Variants in MBD5 observed in about 807,000 individuals in gnomAD.
The protein encoded by MBD5 is methyl-CpG-binding domain protein 5.
In MBD5, 13 loss-of-function variants were observed where a neutral mutation model predicts 117.3. The observed-to-expected ratio is 0.11, with a 90% CI of 0.07 to 0.18. MBD5 has a LOEUF of 0.18. Among genes scored for constraint, MBD5 ranks in the 10% least tolerant of loss-of-function variants. The probability of loss-of-function intolerance (pLI) is 1.00; values close to 1 mark genes in which losing one functional copy is unlikely to be tolerated. For missense variants in MBD5, 1,879 were observed against 2,093.8 expected, an observed-to-expected ratio of 0.90 and a Z score of 2.00; for synonymous variants, 727 against 766.4, an observed-to-expected ratio of 0.95 and a Z score of 0.85.
At chr2:148,116,346 C>T (rs1696642157) in intron 1 of MBD5, among the ~76,000 whole-genome samples, 1 of 152,122 alleles carries the variant, frequency 6.6e-6, no homozygotes, top group Non-Finnish European at 1.5e-5. Context: ...GATTGTCCCT[C>T]AACAAAGAAT....
chr2:148,188,217 T>C (rs1212324849), intron 2 of MBD5, among the ~76,000 whole-genome samples: 1 of 152,232 alleles, frequency 6.6e-6, no homozygotes, highest in African/African-American at 2.4e-5. Flanking sequence ...TGAATTCTAG[T>C]CCCAGACATT....
At chr2:148,245,990 A>G (rs1700327770) in intron 3 of MBD5, among the ~76,000 whole-genome samples, 2 of 152,180 alleles carry the variant, frequency 1.3e-5, no homozygotes, top group African/African-American at 4.8e-5. Flanking sequence ...CAGATTTCAA[A>G]ATGAAAATGA....
chr2:148,199,857 A>G (rs1310304672), intron 2 of MBD5, among the ~76,000 whole-genome samples: 2 of 152,192 alleles, frequency 1.3e-5, no homozygotes, highest in Non-Finnish European at 2.9e-5. Context: ...GTCTCTCTAC[A>G]AAAAGAAACT....
At chr2:148,441,645 G>T (rs1706327361) in intron 4 of MBD5, among the ~76,000 whole-genome samples, 1 of 152,070 alleles carries the variant, frequency 6.6e-6, no homozygotes, top group Admixed American at 6.5e-5. Context: ...TGGGTCAAAT[G>T]GTATTTCTAG....
chr2:148,031,708 A>G (rs562188683), intron 1 of MBD5, among the ~76,000 whole-genome samples: 80 of 152,260 alleles, frequency 5.3e-4, no homozygotes, highest in African/African-American at 1.9e-3. Flanking sequence ...TGCAATTATG[A>G]CTAGAGAGTC....
intron 3 of MBD5, among the ~76,000 whole-genome samples, chr2:148,322,663 A>G (rs947686405): frequency 3.9e-5 from 6 of 152,144 alleles, no homozygotes; most frequent in African/African-American, 1.4e-4. Context: ...CCTTTGCACA[A>G]AATATTTACG....
intron 3 of MBD5, among the ~76,000 whole-genome samples, chr2:148,280,131 C>CAAA (rs3076398): frequency 0.035 from 3,214 of 91,420 alleles, 163 homozygotes; most frequent in East Asian, 0.073. Flanking sequence ...AAACTAACTG[C>CAAA]AAAAAAAAAA....
At chr2:148,390,826 G>T (rs1704551398) in intron 4 of MBD5, among the ~76,000 whole-genome samples, 6 of 152,090 alleles carry the variant, frequency 3.9e-5, no homozygotes, top group Non-Finnish European at 8.8e-5. Context: ...CTCCCAAAGT[G>T]CTGGGAAATC....
At chr2:148,325,702 T>A (rs1433801687) in intron 3 of MBD5, among the ~76,000 whole-genome samples, 1 of 152,218 alleles carries the variant, frequency 6.6e-6, no homozygotes, top group Non-Finnish European at 1.5e-5. Context: ...CATTTTTTAT[T>A]GCGTCTACTT....
At chr2:148,064,351 G>A (rs1695125797) in intron 1 of MBD5, among the ~76,000 whole-genome samples, 1 of 151,154 alleles carries the variant, frequency 6.6e-6, no homozygotes, top group African/African-American at 2.4e-5. Flanking sequence ...TCCTGACCTC[G>A]TGATCCCCTC....
At chr2:148,262,042 C>T (rs1400745314) in intron 3 of MBD5, among the ~76,000 whole-genome samples, 5 of 152,052 alleles carry the variant, frequency 3.3e-5, no homozygotes, top group Non-Finnish European at 7.4e-5. Flanking sequence ...TAGAAACTTA[C>T]AAGGTCACTG....
At chr2:148,503,454 G>T (rs192850692) in intron 12 of MBD5, among the ~76,000 whole-genome samples, 15 of 152,194 alleles carry the variant, frequency 9.9e-5, no homozygotes, top group Non-Finnish European at 1.6e-4. Flanking sequence ...TGCATAGAAG[G>T]CTTATATAAT....
intron 1 of MBD5, among the ~76,000 whole-genome samples, chr2:148,028,911 G>A (rs1465635786): frequency 6.6e-6 from 1 of 152,020 alleles, no homozygotes; most frequent in Non-Finnish European, 1.5e-5. Context: ...TCTGCTGAAG[G>A]ATTTCTTGGC....
At chr2:148,104,641 A>G (rs1234045210) in intron 1 of MBD5, among the ~76,000 whole-genome samples, 1 of 152,174 alleles carries the variant, frequency 6.6e-6, no homozygotes, top group Non-Finnish European at 1.5e-5. Flanking sequence ...TTCTTCCCAA[A>G]GAATGTGGCC....
chr2:148,068,443 T>C (rs1695264801), intron 1 of MBD5: 1 of 152,206 alleles, frequency 6.6e-6, no homozygotes. Flanking sequence ...GTTTCTTGGA[T>C]CTTACTGAGA....
At chr2:148,077,168 A>G (rs190207204) in intron 1 of MBD5, among the ~76,000 whole-genome samples, 1 of 152,334 alleles carries the variant, frequency 6.6e-6, no homozygotes, top group Admixed American at 6.5e-5. Flanking sequence ...CCCATTGTCA[A>G]AAGTCACAGA....
At chr2:148,380,049 T>C (rs948203148) in intron 4 of MBD5, among the ~76,000 whole-genome samples, 4 of 152,058 alleles carry the variant, frequency 2.6e-5, no homozygotes, top group Non-Finnish European at 4.4e-5. Flanking sequence ...AATGAATCGA[T>C]AGCAAAAAGT....
chr2:148,189,208 T>C (rs1698762939), intron 2 of MBD5, among the ~76,000 whole-genome samples: 1 of 147,790 alleles, frequency 6.8e-6, no homozygotes, highest in African/African-American at 2.6e-5. Flanking sequence ...TCAGGCTTGC[T>C]TAGGTAAACA....
chr2:148,330,440 A>G (rs1204860185), intron 3 of MBD5: 1 of 152,194 alleles, frequency 6.6e-6, no homozygotes, highest in Non-Finnish European at 1.5e-5. Context: ...AAGTCAAACA[A>G]CAAACATCCA....
Sources: gnomAD v4.1 joint callset for allele counts (sites outside exome capture counted in the v4.1 genomes callset) on GRCh38, gnomAD v4.1.1 for gene constraint, MANE v1.5 for transcripts, NCBI Gene and HGNC (gene_info 2026-07-23, HGNC 2026-07-21) for gene names.